Variants in ATP13A3 observed in about 807,000 individuals in gnomAD.
ATP13A3 encodes ATPase 13A3, also known as polyamine-transporting ATPase 13A3.
A neutral mutation model predicts 158.1 loss-of-function variants in ATP13A3; 59 were observed. The observed-to-expected ratio is 0.37, with a 90% CI of 0.30 to 0.46. The LOEUF (loss-of-function observed/expected upper bound fraction) is 0.46. Among genes scored for constraint, ATP13A3 ranks in the 20% least tolerant of loss-of-function variants. The pLI is 1.00. For synonymous variants in ATP13A3, 491 were observed against 504.3 expected, an observed-to-expected ratio of 0.97 and a Z score of 0.35; for missense variants, 1,166 against 1,525.2, an observed-to-expected ratio of 0.76 and a Z score of 3.92.
chr3:194,480,059 C>T (rs758744035), intron 2 of ATP13A3, among the ~76,000 whole-genome samples: 1 of 152,148 alleles, frequency 6.6e-6, no homozygotes, highest in Non-Finnish European at 1.5e-5. Flanking sequence ...GAGCAATCAT[C>T]AATCACACCC....
At chr3:194,441,524 G>T in intron 15 of ATP13A3, 63 bp from the exon 16 acceptor site, 3 of 1,418,872 alleles carry the variant, frequency 2.1e-6, no homozygotes, top group Non-Finnish European at 1.9e-6. Context: ...TATTCTAACA[G>T]GGCTTTTCTG....
At chr3:194,480,690 C>T (rs574183989) in intron 2 of ATP13A3, among the ~76,000 whole-genome samples, 32 of 152,092 alleles carry the variant, frequency 2.1e-4, no homozygotes, top group Non-Finnish European at 4.0e-4. Flanking sequence ...AGTTATTTCT[C>T]CATTATTCAC....
intron 14 of ATP13A3, 119 bp from the exon 15 acceptor site, chr3:194,444,905 G>T: frequency 3.0e-6 from 2 of 658,854 alleles, no homozygotes; most frequent in Non-Finnish European, 2.5e-6. Context: ...TAACATAATG[G>T]AGTTCTACAG....
intron 33 of ATP13A3, 84 bp from the exon 34 acceptor site, chr3:194,406,200 T>G (rs1489101364): frequency 9.7e-6 from 13 of 1,333,580 alleles, no homozygotes; most frequent in Non-Finnish European, 1.3e-5. Context: ...AAAGCACACA[T>G]TAGCAGAGAA....
Position 194,447,878 on chromosome 3 carries a change from T to C in ATP13A3, c.1282A>G (p.Thr428Ala). 1 of 1,611,796 alleles carries C rather than the reference T, an allele frequency of 6.2e-7. No individual in the cohort carries two copies. Among genetic ancestry groups the C allele is most frequent in the Non-Finnish European group, 8.5e-7 (1 of 1,178,050 alleles). The stretch of plus-strand genomic sequence containing the variant: ...TCATTTAAAATGCTATTAATAATAG[T>C]GTAGATAAACCCAATGCCAGCAACT... Reference protein sequence around the residue: ...VAVAGIGFIYTIINSILNEVQ... With the variant: ...VAVAGIGFIYAIINSILNEVQ... The change falls in exon 13 of 34, where the codon ACT becomes GCT. Residue 428 changes from threonine (T) to alanine (A), a missense_variant. By Grantham distance (58) the Thr-to-Ala change is moderately conservative (BLOSUM62 0). Transcript: ENST00000645319.
chr3:194,440,408 T>C (rs1415954497), intron 16 of ATP13A3, among the ~76,000 whole-genome samples: 1 of 152,170 alleles, frequency 6.6e-6, no homozygotes, highest in Non-Finnish European at 1.5e-5. Context: ...ATGGTGAGAA[T>C]GGGTGAGGAA....
intron 33 of ATP13A3, among the ~76,000 whole-genome samples, chr3:194,410,568 TC>T (rs1420705175): frequency 6.6e-6 from 1 of 151,844 alleles, no homozygotes; most frequent in African/African-American, 2.4e-5. Context: ...GACCCTGGTC[TC>T]ACAAAAAGAG....
chr3:194,494,306 A>G lies in ATP13A3; in HGVS notation n.516-26T>C. The G allele has an allele frequency of 2.5e-6, 1 of 398,520 alleles. No homozygotes were observed. Among genetic ancestry groups the G allele is most frequent in the Non-Finnish European group, 4.4e-6 (1 of 226,024 alleles). 24.7% of individuals were successfully genotyped at this position (398,520 alleles called of 1,614,324 possible). ...CTGAGTAAGTGGAGAACAAGTTAAC[A>G]TTGATTTTCACAACCACGATGTCAG... is the stretch of plus-strand genomic sequence containing the variant. On this transcript the variant is annotated intron_variant and non_coding_transcript_variant, in intron 1 of 32. Coordinates refer to the ATP13A3 transcript ENST00000687055. This position sits in a 1 kb window ranked among gnomAD's most constrained non-coding sequence, Gnocchi z 4.2.
At chr3:194,493,966 A>G (rs1721176709) in intron 2 of ATP13A3, 4 of 391,698 alleles carry the variant, frequency 1.0e-5, no homozygotes, top group Non-Finnish European at 4.5e-6. Flanking sequence ...TTACAAATTG[A>G]GGAAGATTAT....
At chr3:194,411,143 A>C (rs1715399967) in intron 33 of ATP13A3, among the ~76,000 whole-genome samples, 1 of 152,062 alleles carries the variant, frequency 6.6e-6, no homozygotes, top group African/African-American at 2.4e-5. Flanking sequence ...GGTACTCTGC[A>C]GGCCCTCTTA....
At chr3:194,458,738 G>A (rs1719428011) in intron 6 of ATP13A3, among the ~76,000 whole-genome samples, 1 of 151,932 alleles carries the variant, frequency 6.6e-6, no homozygotes, top group African/African-American at 2.4e-5. Flanking sequence ...TTTAAAACTA[G>A]GCATGTAAAA....
chr3:194,455,118 C>G (rs1719131279), intron 8 of ATP13A3, among the ~76,000 whole-genome samples: 1 of 152,122 alleles, frequency 6.6e-6, no homozygotes, highest in Admixed American at 6.5e-5. Flanking sequence ...CACAAATTTA[C>G]TTATATATCA....
chr3:194,454,164 G>T, intron 9 of ATP13A3, 94 bp downstream of exon 9: 2 of 1,225,378 alleles, frequency 1.6e-6, no homozygotes, highest in Non-Finnish European at 2.3e-6. Context: ...ACTGCATTGA[G>T]AATTTACTTT....
At chr3:194,461,695 G>C (rs1463882528) in intron 3 of ATP13A3, among the ~76,000 whole-genome samples, 2 of 152,190 alleles carry the variant, frequency 1.3e-5, no homozygotes, top group East Asian at 3.9e-4. Context: ...TTCATTATGT[G>C]ACTTTTACAT....
At chr3:194,473,477 T>A (rs1720396868) in intron 2 of ATP13A3, among the ~76,000 whole-genome samples, 1 of 140,794 alleles carries the variant, frequency 7.1e-6, no homozygotes, top group Admixed American at 6.8e-5. Context: ...ATTTGCCCAT[T>A]AAATTGGTGA....
At chr3:194,412,684 G>T in intron 32 of ATP13A3, 1 of 183,122 alleles carries the variant, frequency 5.5e-6, no homozygotes, top group Admixed American at 5.5e-5. Context: ...CCATTCTTTA[G>T]GTAGTAAGAA....
chr3:194,487,541 G>T (rs1721061309), upstream of ATP13A3: 1 of 152,258 alleles, frequency 6.6e-6, no homozygotes, highest in South Asian at 2.1e-4. Flanking sequence ...GCAGGCGGAG[G>T]ACAGGGAGGA....
intron 14 of ATP13A3, among the ~76,000 whole-genome samples, chr3:194,446,067 G>A (rs765582843): frequency 2.6e-5 from 4 of 152,116 alleles, no homozygotes; most frequent in Non-Finnish European, 4.4e-5. Flanking sequence ...TAAAGGTCAC[G>A]TAATCTTTAC....
intron 33 of ATP13A3, among the ~76,000 whole-genome samples, chr3:194,407,578 C>T (rs995405788): frequency 3.9e-5 from 6 of 152,152 alleles, no homozygotes; most frequent in African/African-American, 1.2e-4. Context: ...CGTGACTCAC[C>T]GCTCTCAATG....
Sources: gnomAD v4.1 joint callset for allele counts (sites outside exome capture counted in the v4.1 genomes callset) on GRCh38, gnomAD v4.1.1 for gene constraint, Gnocchi (gnomAD v3.1) non-coding constraint, MANE v1.5 for transcripts, NCBI Gene and HGNC (gene_info 2026-07-23, HGNC 2026-07-21) for gene names.